Variants in SLX4IP observed in about 807,000 individuals in gnomAD.
The protein encoded by SLX4IP is SLX4 interacting protein.
In SLX4IP, 34 loss-of-function variants were observed where a neutral mutation model predicts 32.9. The observed-to-expected ratio is 1.03, with a 90% CI of 0.79 to 1.38. The LOEUF (loss-of-function observed/expected upper bound fraction) is 1.38, where lower values mean the gene tolerates loss of function less well. Ranked by LOEUF, SLX4IP falls within the 40% of genes most tolerant of loss-of-function variation. SLX4IP has a pLI of 0.00. For synonymous variants in SLX4IP, 172 were observed against 171.7 expected, an observed-to-expected ratio of 1.00 and a Z score of -0.01; for missense variants, 444 against 479.0, an observed-to-expected ratio of 0.93 and a Z score of 0.68.
intron 2 of SLX4IP, among the ~76,000 whole-genome samples, chr20:10,461,216 G>A (rs1395361614): frequency 6.6e-6 from 1 of 152,246 alleles, no homozygotes; most frequent in Non-Finnish European, 1.5e-5. Context: ...CTATGGCCAA[G>A]TAGGGCAGAC....
chr20:10,443,852 C>G (rs539507378), intron 1 of SLX4IP, among the ~76,000 whole-genome samples: 14 of 152,280 alleles, frequency 9.2e-5, no homozygotes, highest in African/African-American at 3.1e-4. Flanking sequence ...TATAGTACCT[C>G]TCTCTTCTCT....
intron 2 of SLX4IP, among the ~76,000 whole-genome samples, chr20:10,525,327 G>A (rs965344517): frequency 6.6e-6 from 1 of 151,966 alleles, no homozygotes; most frequent in Non-Finnish European, 1.5e-5. Flanking sequence ...AATTTGATTT[G>A]CCAATTTTGA....
intron 4 of SLX4IP, among the ~76,000 whole-genome samples, chr20:10,567,731 T>C (rs2066413436): frequency 6.6e-6 from 1 of 152,250 alleles, no homozygotes; most frequent in Non-Finnish European, 1.5e-5. Flanking sequence ...CTTCAAACTA[T>C]TAACCACTGC....
At chr20:10,450,856 A>G (rs187055939) in intron 1 of SLX4IP, among the ~76,000 whole-genome samples, 1 of 152,024 alleles carries the variant, frequency 6.6e-6, no homozygotes, top group East Asian at 1.9e-4. Flanking sequence ...GGTTCACGCC[A>G]TTCTCCTGCC....
intron 2 of SLX4IP, among the ~76,000 whole-genome samples, chr20:10,555,541 C>T (rs1396810594): frequency 3.3e-5 from 5 of 152,148 alleles, no homozygotes; most frequent in Non-Finnish European, 5.9e-5. Context: ...TGGCCACATA[C>T]GGCCACATAT....
intron 2 of SLX4IP, among the ~76,000 whole-genome samples, chr20:10,467,343 A>T (rs184324389): frequency 3.3e-5 from 5 of 152,364 alleles, no homozygotes; most frequent in Admixed American, 2.0e-4. Flanking sequence ...AACAGAATAA[A>T]TCACAAACAT....
At chr20:10,498,076 T>G (rs1765016227) in intron 2 of SLX4IP, among the ~76,000 whole-genome samples, 1 of 151,352 alleles carries the variant, frequency 6.6e-6, no homozygotes, top group African/African-American at 2.4e-5. Context: ...TATATCATTT[T>G]AACTGGCAAT....
chr20:10,537,251 C>A (rs755331), intron 2 of SLX4IP, among the ~76,000 whole-genome samples: 4,414 of 152,222 alleles, frequency 0.029, 110 homozygotes, highest in Admixed American at 0.09. Flanking sequence ...GCTACTATGG[C>A]AGTTTATGCA....
chr20:10,458,877 C>T (rs566261996), intron 2 of SLX4IP, among the ~76,000 whole-genome samples: 68 of 152,214 alleles, frequency 4.5e-4, no homozygotes, highest in Admixed American at 8.5e-4. Context: ...GGTATATACC[C>T]GGTAATGGGA....
chr20:10,572,797 C>T (rs563048966), intron 4 of SLX4IP, among the ~76,000 whole-genome samples: 1 of 152,280 alleles, frequency 6.6e-6, no homozygotes, highest in South Asian at 2.1e-4. Flanking sequence ...TAGCCCTCTG[C>T]TCACCCTTCT....
chr20:10,528,114 G>A (rs1011324505), intron 2 of SLX4IP, among the ~76,000 whole-genome samples: 1 of 152,086 alleles, frequency 6.6e-6, no homozygotes, highest in Non-Finnish European at 1.5e-5. Flanking sequence ...CCATTTGTCA[G>A]GTAAGAGTAG....
chr20:10,610,657 A>C (rs1370666371), intron 6 of SLX4IP, among the ~76,000 whole-genome samples: 1 of 152,216 alleles, frequency 6.6e-6, no homozygotes, highest in African/African-American at 2.4e-5. Flanking sequence ...TCTCAGAACA[A>C]ATGTCCATCA....
chr20:10,604,802 A>G (rs1254375988), intron 6 of SLX4IP, among the ~76,000 whole-genome samples: 1 of 152,260 alleles, frequency 6.6e-6, no homozygotes, highest in African/African-American at 2.4e-5. Context: ...AAGAAAGGAC[A>G]TTATTATGAA....
chr20:10,511,081 T>C (rs2065803953), intron 2 of SLX4IP, among the ~76,000 whole-genome samples: 1 of 152,186 alleles, frequency 6.6e-6, no homozygotes, highest in African/African-American at 2.4e-5. Context: ...GTCCCTCCAT[T>C]TACCTTTTTG....
chr20:10,616,836 ATTTG>A (rs1353542839), intron 6 of SLX4IP, among the ~76,000 whole-genome samples: 1 of 152,118 alleles, frequency 6.6e-6, no homozygotes, highest in East Asian at 1.9e-4. Context: ...ACATACGTTT[ATTTG>A]TTTGTTTGTT....
chr20:10,520,957 A>C (rs928112524), intron 2 of SLX4IP, among the ~76,000 whole-genome samples: 3 of 152,312 alleles, frequency 2.0e-5, no homozygotes, highest in Admixed American at 6.5e-5. Context: ...ACTTATAAAT[A>C]GCATCCTTAT....
At chr20:10,502,453 C>A (rs1369911597) in intron 2 of SLX4IP, among the ~76,000 whole-genome samples, 1 of 152,228 alleles carries the variant, frequency 6.6e-6, no homozygotes, top group Non-Finnish European at 1.5e-5. Context: ...CGATCTGACT[C>A]TTCTCTGTGC....
chr20:10,555,837 GAAGA>G (rs1468322455), intron 2 of SLX4IP, among the ~76,000 whole-genome samples: 1 of 152,160 alleles, frequency 6.6e-6, no homozygotes, highest in African/African-American at 2.4e-5. Flanking sequence ...TTGCTGCTTA[GAAGA>G]AAGAATTCCC....
rs2065647642 is a variant in SLX4IP, at chr20:10,494,078, T to C, written c.27+35847T>C. 2.0e-5 allele frequency among the ~76,000 whole-genome samples: 3 copies of C among 151,822 alleles called. No homozygotes were observed. The South Asian group carries it at 6.2e-4, about 31-fold the overall frequency. ...TCAATACGGCATTTAGTAGATGTGTTGATCTTACAATTCCTGGGATAAACT... is the reference window on the plus strand; with the variant it reads ...TCAATACGGCATTTAGTAGATGTGTCGATCTTACAATTCCTGGGATAAACT... On this transcript the variant is annotated intron_variant, in intron 2 of 7. Transcript: ENST00000334534.
Sources: gnomAD v4.1 joint callset for allele counts (sites outside exome capture counted in the v4.1 genomes callset) on GRCh38, gnomAD v4.1.1 for gene constraint, MANE v1.5 for transcripts, NCBI Gene and HGNC (gene_info 2026-07-23, HGNC 2026-07-21) for gene names.